The following PFKFB1 variants were observed in gnomAD, a reference collection of about 807,000 sequenced individuals.
The protein encoded by PFKFB1 is 6-phosphofructo-2-kinase/fructose-2,6-bisphosphatase 1.
In PFKFB1, 34 loss-of-function variants were observed where a neutral mutation model predicts 46.4. The observed-to-expected ratio is 0.73, with a 90% confidence interval of 0.56 to 0.98. PFKFB1 has a LOEUF of 0.98. PFKFB1 is among the 50% of genes least tolerant of loss of function. The pLI is 0.00. For missense variants in PFKFB1, 393 were observed against 376.3 expected, an observed-to-expected ratio of 1.04 and a Z score of -0.37; for synonymous variants, 119 against 133.8, an observed-to-expected ratio of 0.89 and a Z score of 0.76.
intron 11 of PFKFB1, among the ~76,000 whole-genome samples, chrX:54,935,788 C>T (rs1933369182): frequency 9.0e-6 from 1 of 111,687 alleles, no homozygotes. Context: ...CAGGGGCTTG[C>T]AGTGTCCTGG....
intron 1 of PFKFB1, among the ~76,000 whole-genome samples, chrX:54,976,975 T>C (rs1241583762): frequency 1.8e-5 from 2 of 109,800 alleles, no homozygotes; most frequent in Non-Finnish European, 3.8e-5. Flanking sequence ...TTGCCAGGGG[T>C]TGGGGGAGGT....
Position 54,960,879 on chromosome X carries a change from A to G in PFKFB1, c.262T>C (p.Tyr88His). Residue 88 changes from tyrosine (Y) to histidine (H), a missense_variant, in exon 3 of 14, where the codon TAC (tyrosine) becomes CAC (histidine). Tyr to His is a moderately conservative substitution (Grantham distance 83). Transcript: ENST00000375006. ...GGAAGAAAGAATTCATAGTTCTTGT[A>G]GCTCACTGCCTCTCGTCGATACTGG... ...LGQYRREAVSYKNYEFFLPDN... is the reference protein window; with the variant it reads ...LGQYRREAVSHKNYEFFLPDN... 1 of 1,194,508 alleles carries G rather than the reference A, an allele frequency of 8.4e-7. No individual in the cohort carries two copies. Among genetic ancestry groups the G allele is most frequent in the Non-Finnish European group, 1.1e-6 (1 of 882,390 alleles).
At chrX:54,995,408 C>T (rs769913679), upstream of PFKFB1, among the ~76,000 whole-genome samples, 9 of 112,166 alleles carry the variant, frequency 8.0e-5, no homozygotes, top group South Asian at 1.5e-3. Context: ...ATTTGCAAGC[C>T]GTAGTCTACA....
Position 54,933,193 on chromosome X carries a change from T to C in PFKFB1, c.*210A>G. 1 of 430,113 alleles carries C rather than the reference T, an allele frequency of 2.3e-6. No individual in the cohort carries two copies. The highest frequency in any genetic ancestry group is 2.5e-5 in the African/African-American group (1 of 40,748). The allele number at this position is 430,113 out of a possible 1,213,427, so 35.4% of individuals were successfully genotyped here. A position where few individuals can be genotyped will look rare whatever the true frequency, so the allele number is the denominator to read the frequency against. On this transcript the variant is annotated 3_prime_UTR_variant, in exon 14 of 14. Coordinates refer to ENST00000375006, the MANE Select transcript of PFKFB1 (RefSeq NM_002625.4). Reference sequence around the variant, plus strand: ...CAGTAAGTCTTTATTCGTCAGAGAATAGGAATTAAGAAAGAAAGTTTCCTC... The same window carrying C: ...CAGTAAGTCTTTATTCGTCAGAGAACAGGAATTAAGAAAGAAAGTTTCCTC...
At chrX:54,982,896 C>A (rs1456323686) in intron 1 of PFKFB1, among the ~76,000 whole-genome samples, 1 of 111,515 alleles carries the variant, frequency 9.0e-6, no homozygotes, top group African/African-American at 3.2e-5. Flanking sequence ...AAACTTTCAG[C>A]AAGTTAGGAA....
intron 10 of PFKFB1, among the ~76,000 whole-genome samples, chrX:54,945,042 A>G (rs1230585417): frequency 8.9e-6 from 1 of 112,120 alleles, no homozygotes; most frequent in Non-Finnish European, 1.9e-5. Context: ...ATTATTAGCC[A>G]TTGTCCCTTG....
At position 54,951,916 on chromosome X, in the gene PFKFB1, G is replaced by T. The variant is rs201795827; in HGVS notation, c.835C>A (p.Arg279Ser). The stretch of plus-strand genomic sequence containing the variant: ...GTGGCCCACCCTACCTGCTTGCCGC[G>T]AACTGAGAGGCCAGAGTCACCTCCG... ...RIGGDSGLSV[R>S]GKQYAYALAN... The change falls in exon 8 of 14, where the codon CGC becomes AGC. Residue 279 changes from arginine to serine, a missense_variant. Transcript: ENST00000375006. The T allele has an allele frequency of 8.3e-7, 1 of 1,198,675 alleles. No individual in the cohort carries two copies. The highest frequency in any genetic ancestry group is 1.7e-5 in the African/African-American group (1 of 57,652).
Position 54,971,840 on chromosome X carries a change from T to C in PFKFB1, c.98-8458A>G, listed in dbSNP as rs2146657071. 2.7e-5 allele frequency among the ~76,000 whole-genome samples: 3 copies of C among 111,613 alleles called. No individual in the cohort carries two copies. In the East Asian group the frequency reaches 8.5e-4, roughly 31 times the overall value. On this transcript the variant is annotated intron_variant, in intron 1 of 13. Coordinates refer to ENST00000375006, the MANE Select transcript of PFKFB1 (RefSeq NM_002625.4). Reference sequence around the variant, plus strand: ...ATGCAGGCTCTTTTTTGGTTCCATATGAACTTTAAAGTAGTTTTTTCCAAT... The same window carrying C: ...ATGCAGGCTCTTTTTTGGTTCCATACGAACTTTAAAGTAGTTTTTTCCAAT...
At chrX:54,935,330 G>T (rs982357756) in intron 11 of PFKFB1, among the ~76,000 whole-genome samples, 2 of 111,419 alleles carry the variant, frequency 1.8e-5, no homozygotes, top group African/African-American at 6.5e-5. Flanking sequence ...CTTCTCTCCC[G>T]CCCCAAGCCT....
intron 7 of PFKFB1, among the ~76,000 whole-genome samples, chrX:54,955,571 CT>C: frequency 9.0e-6 from 1 of 111,003 alleles, no homozygotes; most frequent in East Asian, 2.8e-4. Context: ...TTTATACCCC[CT>C]ACATATACCA....
intron 10 of PFKFB1, among the ~76,000 whole-genome samples, chrX:54,938,197 G>A (rs1398360537): frequency 8.9e-6 from 1 of 111,925 alleles, no homozygotes; most frequent in Non-Finnish European, 1.9e-5. Context: ...GGCCTTGGGT[G>A]TGCACAAGGT....
At chrX:54,935,080 G>T in intron 11 of PFKFB1, 71 bp from the exon 12 acceptor site, 1 of 827,596 alleles carries the variant, frequency 1.2e-6, no homozygotes, top group Non-Finnish European at 1.8e-6. Flanking sequence ...AGGCCCCCAG[G>T]CTTGCTGGAT....
chrX:54,973,772 T>C (rs1195115408), intron 1 of PFKFB1, among the ~76,000 whole-genome samples: 1 of 111,346 alleles, frequency 9.0e-6, no homozygotes, highest in Non-Finnish European at 1.9e-5. Flanking sequence ...ATGTGGTCAA[T>C]TTTGGAATAG....
At chrX:54,962,981 A>T (rs1032269689) in intron 2 of PFKFB1, among the ~76,000 whole-genome samples, 2 of 112,250 alleles carry the variant, frequency 1.8e-5, no homozygotes, top group Non-Finnish European at 3.8e-5. Context: ...TACTCACAGG[A>T]TTGTTTTGAG....
At chrX:54,997,863 C>T (rs939226150), upstream of PFKFB1, among the ~76,000 whole-genome samples, 1 of 112,034 alleles carries the variant, frequency 8.9e-6, no homozygotes, top group African/African-American at 3.2e-5. Flanking sequence ...GGTGGGATTG[C>T]TTGTGGAGCC....
chrX:54,956,016 GATC>G (rs1325863575), intron 7 of PFKFB1, 134 bp downstream of exon 7: 3 of 446,416 alleles, frequency 6.7e-6, no homozygotes, highest in African/African-American at 2.5e-5. Flanking sequence ...CTTGAAGAAA[GATC>G]ATCAAGTTCA....
intron 9 of PFKFB1, among the ~76,000 whole-genome samples, chrX:54,948,639 T>C (rs942883304): frequency 8.9e-6 from 1 of 111,908 alleles, no homozygotes. Flanking sequence ...TCTCTGGGTC[T>C]TCACATGAGT....
At chrX:54,977,508 G>A (rs1335401200) in intron 1 of PFKFB1, among the ~76,000 whole-genome samples, 1 of 111,245 alleles carries the variant, frequency 9.0e-6, no homozygotes, top group Admixed American at 9.5e-5. Flanking sequence ...AGTAAACAAG[G>A]GAGAAGGTCT....
intron 9 of PFKFB1, among the ~76,000 whole-genome samples, chrX:54,946,263 T>C (rs1933809660): frequency 9.0e-6 from 1 of 111,254 alleles, no homozygotes; most frequent in South Asian, 3.8e-4. Flanking sequence ...TTCCTAATGG[T>C]TTCAGAGTGG....
Sources: gnomAD v4.1 joint callset for allele counts (sites outside exome capture counted in the v4.1 genomes callset) on GRCh38, gnomAD v4.1.1 for gene constraint, MANE v1.5 for transcripts, NCBI Gene and HGNC (gene_info 2026-07-23, HGNC 2026-07-21) for gene names.